The following PGS1 variants were observed in gnomAD, a reference collection of about 807,000 sequenced individuals.
PGS1 encodes the protein CDP-diacylglycerol--glycerol-3-phosphate 3-phosphatidyltransferase, mitochondrial.
In PGS1, 44 loss-of-function variants were observed where a neutral mutation model predicts 58.3. The observed-to-expected ratio is 0.75, with a 90% CI of 0.59 to 0.97. PGS1 has a LOEUF of 0.97. PGS1 is among the 50% of genes least tolerant of loss of function. PGS1 has a pLI of 0.00. For synonymous variants in PGS1, 330 were observed against 311.0 expected (o/e 1.06, Z -0.64); for missense variants, 684 against 731.1 (o/e 0.94, Z 0.74).
At chr17:78,382,501 G>T (rs767489859) in intron 1 of PGS1, among the ~76,000 whole-genome samples, 35 of 152,172 alleles carry the variant, frequency 2.3e-4, no homozygotes, top group Non-Finnish European at 3.4e-4. Flanking sequence ...GTGCATTTGG[G>T]TTATGTTAAT....
At chr17:78,378,872 A>G in intron 1 of PGS1, 64 bp downstream of exon 1, 1 of 1,347,118 alleles carries the variant, frequency 7.4e-7, no homozygotes, top group Middle Eastern at 2.7e-4. Flanking sequence ...CCCGGCGCTC[A>G]AACTCCCGGC....
chr17:78,388,731 G>A (rs906906768), intron 1 of PGS1, among the ~76,000 whole-genome samples: 16 of 152,096 alleles, frequency 1.1e-4, no homozygotes, highest in Non-Finnish European at 2.2e-4. Context: ...CCAGCTTTTT[G>A]AGGCCACTGG....
intron 7 of PGS1, among the ~76,000 whole-genome samples, chr17:78,405,500 T>G (rs1347534885): frequency 1.3e-5 from 2 of 152,180 alleles, no homozygotes; most frequent in South Asian, 2.1e-4. Context: ...GGTCACACTC[T>G]GCAATGCATG....
At chr17:78,390,325 T>TG (rs201256251) in intron 1 of PGS1, among the ~76,000 whole-genome samples, 3,697 of 146,010 alleles carry the variant, frequency 0.025, 129 homozygotes, top group African/African-American at 0.088. Context: ...GAGACGGGGG[T>TG]GGGGGAGGAA....
At chr17:78,410,538 G>A (rs1311899924) in intron 7 of PGS1, among the ~76,000 whole-genome samples, 4 of 130,016 alleles carry the variant, frequency 3.1e-5, no homozygotes, top group East Asian at 4.9e-4. Flanking sequence ...CAGTGGCGTG[G>A]TCTTGGCTCA....
At chr17:78,379,445 G>A (rs887158695) in intron 1 of PGS1, among the ~76,000 whole-genome samples, 5 of 152,284 alleles carry the variant, frequency 3.3e-5, no homozygotes, top group African/African-American at 1.2e-4. Context: ...AGGCTTTGGA[G>A]CAATTTGTTC....
Position 78,403,677 on chromosome 17 carries a change from T to C in PGS1, c.990T>C (p.Ser330=). 6.2e-7 allele frequency: 1 copy of C among 1,614,124 alleles called. No homozygotes were observed. Among genetic ancestry groups the C allele is most frequent in the Middle Eastern group, 1.6e-4 (1 of 6,062 alleles). The change falls in exon 7 of 10, where the codon TCT becomes TCC. Residue 330 remains serine, a synonymous_variant. Transcript: ENST00000262764. The part of the protein sequence containing the change: ...MLHAQTFHSN[S]LLTQEDAAAA... ...ATGCCCAGACCTTCCACAGCAACTC[T>C]CTTTTGACCCAGGAAGATGCAGCAG...
At chr17:78,396,429 GC>G in intron 3 of PGS1, 44 bp downstream of exon 3, 4 of 1,337,304 alleles carry the variant, frequency 3.0e-6, no homozygotes, top group Non-Finnish European at 4.2e-6. Flanking sequence ...TAGTGAATGG[GC>G]CCCAACATGC....
At chr17:78,393,597 G>A (rs531085977) in intron 2 of PGS1, among the ~76,000 whole-genome samples, 1 of 152,258 alleles carries the variant, frequency 6.6e-6, no homozygotes, top group South Asian at 2.1e-4. Flanking sequence ...GTAAAAACTC[G>A]TGGGTGCGAT....
At chr17:78,395,643 T>C (rs1258234888) in intron 2 of PGS1, among the ~76,000 whole-genome samples, 1 of 152,220 alleles carries the variant, frequency 6.6e-6, no homozygotes, top group Non-Finnish European at 1.5e-5. Context: ...CTTGGGGCAC[T>C]GATGTGTTCT....
intron 1 of PGS1, among the ~76,000 whole-genome samples, chr17:78,391,948 G>A (rs746716636): frequency 6.6e-6 from 1 of 152,202 alleles, no homozygotes; most frequent in Non-Finnish European, 1.5e-5. Context: ...AAAGAGAAAA[G>A]TTTCTTTTTC....
At chr17:78,381,535 C>G (rs974496178) in intron 1 of PGS1, among the ~76,000 whole-genome samples, 1 of 152,198 alleles carries the variant, frequency 6.6e-6, no homozygotes, top group African/African-American at 2.4e-5. Flanking sequence ...CCTTTATTAG[C>G]TGCTGACTTT....
intron 2 of PGS1, among the ~76,000 whole-genome samples, chr17:78,393,063 CT>C (rs772201899): frequency 0.15 from 21,676 of 141,372 alleles, 1,841 homozygotes; most frequent in African/African-American, 0.25. Flanking sequence ...GACTTCGATT[CT>C]TTTTTTTTTT....
chr17:78,391,015 A>T (rs2082784261), intron 1 of PGS1, among the ~76,000 whole-genome samples: 2 of 151,314 alleles, frequency 1.3e-5, no homozygotes, highest in Admixed American at 1.3e-4. Flanking sequence ...ATCTCAGCTC[A>T]CTGCAATCTC....
chr17:78,406,868 G>T (rs561200511), intron 7 of PGS1, among the ~76,000 whole-genome samples: 1 of 152,360 alleles, frequency 6.6e-6, no homozygotes, highest in African/African-American at 2.4e-5. Context: ...CCTTAACTCA[G>T]CCTGGAGGGT....
intron 9 of PGS1, 89 bp downstream of exon 9, chr17:78,419,764 A>G: frequency 1.3e-6 from 2 of 1,580,146 alleles, no homozygotes; most frequent in East Asian, 4.5e-5. Flanking sequence ...CAGAGCTTCC[A>G]GAGGGCTCTT....
At chr17:78,392,968 A>G (rs985137613) in intron 2 of PGS1, among the ~76,000 whole-genome samples, 9 of 152,170 alleles carry the variant, frequency 5.9e-5, no homozygotes, top group African/African-American at 2.2e-4. Context: ...TATGTTACCC[A>G]GATGGGTCTT....
At chr17:78,412,365 G>T (rs1441625799) in intron 7 of PGS1, among the ~76,000 whole-genome samples, 5 of 152,208 alleles carry the variant, frequency 3.3e-5, no homozygotes, top group East Asian at 1.9e-4. Context: ...CAAATCCTGA[G>T]CACTCACCTG....
At chr17:78,404,720 G>A (rs2083977427) in intron 7 of PGS1, among the ~76,000 whole-genome samples, 1 of 152,148 alleles carries the variant, frequency 6.6e-6, no homozygotes, top group Non-Finnish European at 1.5e-5. Context: ...GAGTGCAATG[G>A]TGCGATCTTG....
Sources: allele counts gnomAD v4.1 joint callset (sites outside exome capture counted in the v4.1 genomes callset), GRCh38; gene constraint gnomAD v4.1.1; transcripts MANE v1.5; gene names NCBI Gene and HGNC (gene_info 2026-07-23, HGNC 2026-07-21).